CCDC138: variants seen among roughly 807,000 people sequenced by gnomAD.
The protein encoded by CCDC138 is coiled-coil domain containing 138.
In CCDC138, 66 loss-of-function variants were observed where a neutral mutation model predicts 82.3. The ratio of observed to expected loss-of-function variants is 0.80; its 90% confidence interval spans 0.66 to 0.98. The LOEUF (loss-of-function observed/expected upper bound fraction) is 0.98. Among genes scored for constraint, CCDC138 ranks in the 50% least tolerant of loss-of-function variants. CCDC138 has a pLI of 0.00. For synonymous variants in CCDC138, 297 were observed against 265.4 expected, an observed-to-expected ratio of 1.12 and a Z score of -1.16; for missense variants, 816 against 758.9, an observed-to-expected ratio of 1.08 and a Z score of -0.88.
chr2:108,821,957 C>T (rs898913590), intron 10 of CCDC138, among the ~76,000 whole-genome samples: 3 of 151,618 alleles, frequency 2.0e-5, no homozygotes, highest in Non-Finnish European at 4.4e-5. Context: ...TATGTCCTTC[C>T]TTTATCAGTA....
chr2:108,818,893 A>G (rs1336077284), intron 10 of CCDC138, among the ~76,000 whole-genome samples: 1 of 152,122 alleles, frequency 6.6e-6, no homozygotes, highest in African/African-American at 2.4e-5. Flanking sequence ...AAACACCTAA[A>G]GCCATTGAGG....
At chr2:108,789,330 C>T (rs826552) in intron 3 of CCDC138, among the ~76,000 whole-genome samples, 39,375 of 152,070 alleles carry the variant, frequency 0.26, 5,452 homozygotes, top group African/African-American at 0.35. Flanking sequence ...CGGTGGCTCA[C>T]GCCTGTAATC....
chr2:108,847,768 T>C (rs1690735879), intron 12 of CCDC138, among the ~76,000 whole-genome samples: 1 of 152,220 alleles, frequency 6.6e-6, no homozygotes, highest in Non-Finnish European at 1.5e-5. Flanking sequence ...TCATTTAATT[T>C]GACTTCTTTC....
Position 108,873,542 on chromosome 2 carries a change from A to T in CCDC138, c.1785A>T (p.Gln595His). 1 of 1,611,746 alleles carries T rather than the reference A, an allele frequency of 6.2e-7. No homozygotes were observed. Among genetic ancestry groups the T allele is most frequent in the South Asian group, 1.1e-5 (1 of 90,422 alleles). ...TTCGAGCCCCTAAGCTTGATCTTCA[A>T]ATACTAGAAAAACTCAGTATTATTT... ...VLLRAPKLDL[Q>H]ILEKLSIILQ... is the part of the protein sequence containing the mutation. Residue 595 changes from glutamine to histidine, a missense_variant, in exon 14 of 15, where the codon CAA becomes CAT. Transcript: ENST00000295124.
At chr2:108,795,504 A>G (rs1377518233) in intron 5 of CCDC138, among the ~76,000 whole-genome samples, 1 of 152,198 alleles carries the variant, frequency 6.6e-6, no homozygotes. Context: ...GTAGAGAAGG[A>G]AGCAGAAGTG....
chr2:108,816,279 C>T (rs1439457264), intron 10 of CCDC138, among the ~76,000 whole-genome samples, 174 bp downstream of exon 10: 5 of 151,782 alleles, frequency 3.3e-5, no homozygotes, highest in Non-Finnish European at 7.4e-5. Context: ...GGTGCAACCC[C>T]GTCTCTACTA....
Position 108,791,673 on chromosome 2 carries a change from A to C in CCDC138, c.267-2A>C, listed in dbSNP as rs1443611901. 1.1e-5 allele frequency: 18 copies of C among 1,602,342 alleles called. No individual in the cohort carries two copies. Among genetic ancestry groups the C allele is most frequent in the Non-Finnish European group, 1.4e-5 (17 of 1,173,654 alleles). ...TGCTGTGATACAATTATTTTTTTAA[A>C]GCCTAGATGATGAACTGGATTCTTT... On this transcript the variant is annotated splice_acceptor_variant, in intron 3 of 14. Transcript: ENST00000295124. LOFTEE classifies it high-confidence loss of function.
rs145375845 is a variant in CCDC138, at chr2:108,796,467, A to G, written c.576+1746A>G. Reference sequence around the variant, plus strand: ...AGTAGAACTACCGTATGATCCAGCAATCCCACTCCTGGGTATATCCCCGAA... The same window carrying G: ...AGTAGAACTACCGTATGATCCAGCAGTCCCACTCCTGGGTATATCCCCGAA... On this transcript the variant is annotated intron_variant, in intron 5 of 14. Transcript: ENST00000295124. Among the ~76,000 whole-genome samples, 6 of 152,300 alleles carry G rather than the reference A, an allele frequency of 3.9e-5. No homozygotes were observed. The East Asian group carries it at 1.2e-3, about 29-fold the overall frequency.
rs139596806 is a variant in CCDC138 at position 108,812,645 on chromosome 2, T to C, written c.870T>C (p.Ser290=). ...DTLKKQLNEA[S]EENRKIDIQA... ...CTACCCTTTAGTTAAATGAAGCAAG[T>C]GAAGAAAACAGGAAGATAGACATTC... The change falls in exon 8 of 15, where the codon AGT becomes AGC. Residue 290 remains serine (S), a synonymous_variant. Coordinates refer to ENST00000295124, the MANE Select transcript of CCDC138 (RefSeq NM_144978.3). The C allele has an allele frequency of 3.7e-3, 5,963 of 1,612,164 alleles. 19 individuals carry two copies. The highest frequency in any genetic ancestry group is 8.3e-3 in the Middle Eastern group (50 of 6,026).
At position 108,788,020 on chromosome 2, in the gene CCDC138, T is replaced by C. The variant is rs1211726683; in HGVS notation, c.94-12T>C. ...TTAGTATACAAATTAAATCTTTTCT[T>C]TTTTTTTTTAGTATGATTTTTCAAA... is the stretch of plus-strand genomic sequence containing the variant. On this transcript the variant is annotated splice_polypyrimidine_tract_variant and intron_variant, in intron 1 of 14. Coordinates refer to ENST00000295124, the MANE Select transcript of CCDC138 (RefSeq NM_144978.3). 2.0e-6 allele frequency: 3 copies of C among 1,500,054 alleles called. No individual in the cohort carries two copies. Among genetic ancestry groups the C allele is most frequent in the Middle Eastern group, 2.2e-4 (1 of 4,542 alleles). The allele number at this position is 1,500,054 out of a possible 1,614,324, so 92.9% of individuals were successfully genotyped here.
intron 13 of CCDC138, among the ~76,000 whole-genome samples, chr2:108,866,309 C>G (rs1390946231): frequency 6.6e-6 from 1 of 152,190 alleles, no homozygotes; most frequent in Non-Finnish European, 1.5e-5. Context: ...ATCATCACCT[C>G]CATCTCAGTA....
chr2:108,808,881 A>T (rs1222814503), intron 7 of CCDC138, among the ~76,000 whole-genome samples: 2 of 152,084 alleles, frequency 1.3e-5, no homozygotes, highest in Non-Finnish European at 2.9e-5. Flanking sequence ...TCTTATCCAT[A>T]GTATCTTTGC....
intron 10 of CCDC138, among the ~76,000 whole-genome samples, chr2:108,832,417 G>A (rs919601086): frequency 2.1e-5 from 3 of 141,514 alleles, no homozygotes; most frequent in South Asian, 2.3e-4. Flanking sequence ...GTGTGATCTC[G>A]GCTCACCGCA....
chr2:108,866,338 C>G (rs191799338), intron 13 of CCDC138, among the ~76,000 whole-genome samples: 3 of 152,316 alleles, frequency 2.0e-5, no homozygotes, highest in Admixed American at 2.0e-4. Flanking sequence ...TTAATCACAT[C>G]TGCAAAGCAT....
intron 7 of CCDC138, among the ~76,000 whole-genome samples, chr2:108,807,448 G>A (rs1307673679): frequency 6.6e-6 from 1 of 152,116 alleles, no homozygotes; most frequent in Non-Finnish European, 1.5e-5. Context: ...AATGTGTAAT[G>A]ATCACAGTAA....
intron 13 of CCDC138, among the ~76,000 whole-genome samples, chr2:108,865,360 A>G (rs1432152624): frequency 6.6e-6 from 1 of 152,154 alleles, no homozygotes; most frequent in Non-Finnish European, 1.5e-5. Flanking sequence ...AGTGATTTCA[A>G]ATTCTGTCAG....
chr2:108,874,636 G>C (rs1176990218), intron 14 of CCDC138, among the ~76,000 whole-genome samples: 1 of 152,134 alleles, frequency 6.6e-6, no homozygotes, highest in African/African-American at 2.4e-5. Context: ...AATGCATCTT[G>C]AAATTATTTG....
chr2:108,852,423 T>C (rs1691663518), intron 12 of CCDC138, among the ~76,000 whole-genome samples: 1 of 152,126 alleles, frequency 6.6e-6, no homozygotes, highest in African/African-American at 2.4e-5. Flanking sequence ...CTAATAGAAA[T>C]TGTTCTATTA....
chr2:108,839,450 G>A, intron 11 of CCDC138, 149 bp downstream of exon 11: 1 of 595,788 alleles, frequency 1.7e-6, no homozygotes, highest in Non-Finnish European at 2.7e-6. Context: ...GATAGGAATT[G>A]TGTTAAACCT....
Sources: allele counts gnomAD v4.1 joint callset (sites outside exome capture counted in the v4.1 genomes callset), GRCh38; gene constraint gnomAD v4.1.1; transcripts MANE v1.5; gene names NCBI Gene and HGNC (gene_info 2026-07-23, HGNC 2026-07-21).